SGCD: variants seen among roughly 807,000 people sequenced by gnomAD.
SGCD encodes the protein delta-sarcoglycan.
A neutral mutation model predicts 36.6 loss-of-function variants in SGCD; 18 were observed. That is an observed-to-expected ratio of 0.49 (90% confidence interval 0.34 to 0.73). The LOEUF is 0.73. Ranked by LOEUF, SGCD falls within the 30% of genes least tolerant of loss-of-function variation. The pLI is 0.01. For synonymous variants in SGCD, 133 were observed against 130.6 expected (o/e 1.02, Z -0.12); for missense variants, 387 against 346.7 (o/e 1.12, Z -0.92).
chr5:155,874,209 G>A (rs922597371), intron 1 of SGCD, among the ~76,000 whole-genome samples: 1 of 152,040 alleles, frequency 6.6e-6, no homozygotes, highest in Non-Finnish European at 1.5e-5. Context: ...CTATTACAGA[G>A]AACAAGTTTT....
At chr5:156,214,391 A>C (rs1764523055) in intron 3 of SGCD, among the ~76,000 whole-genome samples, 1 of 151,996 alleles carries the variant, frequency 6.6e-6, no homozygotes, top group African/African-American at 2.4e-5. Flanking sequence ...TTAGGATAAA[A>C]TTTAACCCAG....
At chr5:156,757,211 T>TA (rs1457206084) in intron 7 of SGCD, among the ~76,000 whole-genome samples, 3 of 116,154 alleles carry the variant, frequency 2.6e-5, no homozygotes, top group African/African-American at 1.0e-4. Flanking sequence ...GTAGAAAGGA[T>TA]ACCTACCAAT....
chr5:156,032,420 G>T (rs1759369205), intron 1 of SGCD, among the ~76,000 whole-genome samples: 2 of 151,726 alleles, frequency 1.3e-5, no homozygotes, highest in East Asian at 3.9e-4. Flanking sequence ...CAATTGAAGG[G>T]TAAAAGAGTG....
At chr5:156,418,786 A>G (rs1271092044) in intron 3 of SGCD, among the ~76,000 whole-genome samples, 2 of 152,190 alleles carry the variant, frequency 1.3e-5, no homozygotes, top group Non-Finnish European at 2.9e-5. Flanking sequence ...ATAGTAGAAG[A>G]TGGTTTGTGC....
Position 156,216,093 on chromosome 5 carries a change from T to C in SGCD, c.-44+92074T>C, listed in dbSNP as rs1233755359. On this transcript the variant is annotated intron_variant, in intron 3 of 9. Transcript: ENST00000517913. ...TAAGCCAGGCCCAGAACAAATAACA[T>C]GTGATCTCACACCTAGAATCTAAAA... Among the ~76,000 whole-genome samples, 8 of 152,158 alleles carry C rather than the reference T, an allele frequency of 5.3e-5. 1 individual carries two copies. In the East Asian group the frequency reaches 1.2e-3, roughly 22 times the overall value.
intron 3 of SGCD, among the ~76,000 whole-genome samples, chr5:156,175,387 A>G (rs182608930): frequency 3.3e-5 from 5 of 151,026 alleles, no homozygotes; most frequent in African/African-American, 1.2e-4. Flanking sequence ...CCTGGCTCTT[A>G]TTTTGTGAGC....
chr5:156,108,855 A>G (rs1761713775), intron 1 of SGCD, among the ~76,000 whole-genome samples: 1 of 152,162 alleles, frequency 6.6e-6, no homozygotes, highest in African/African-American at 2.4e-5. Flanking sequence ...ACAGTCTATT[A>G]TTTCAGGTTT....
chr5:156,702,481 G>T (rs1002385986), intron 7 of SGCD, among the ~76,000 whole-genome samples: 21 of 152,020 alleles, frequency 1.4e-4, no homozygotes, highest in African/African-American at 5.1e-4. Flanking sequence ...TCAGGGCGGG[G>T]AAGCGTACTG....
intron 3 of SGCD, among the ~76,000 whole-genome samples, chr5:156,493,177 A>G (rs559429583): frequency 1.2e-4 from 18 of 152,222 alleles, no homozygotes; most frequent in African/African-American, 2.2e-4. Flanking sequence ...TGATGTTTTG[A>G]TATATTTATA....
the SGCD span, among the ~76,000 whole-genome samples, chr5:155,728,352 C>T: frequency 6.6e-6 from 1 of 152,180 alleles, no homozygotes; most frequent in Admixed American, 6.5e-5. Flanking sequence ...GCGAGATCGC[C>T]CTCCATGCTG....
At chr5:155,776,540 A>G in the SGCD span, among the ~76,000 whole-genome samples, 1 of 152,178 alleles carries the variant, frequency 6.6e-6, no homozygotes, top group Non-Finnish European at 1.5e-5. Context: ...AAGAAACCAC[A>G]GAGGTGAAGT....
chr5:156,100,692 C>T (rs1761498245), intron 1 of SGCD, among the ~76,000 whole-genome samples: 2 of 152,054 alleles, frequency 1.3e-5, no homozygotes, highest in African/African-American at 4.8e-5. Context: ...CATTTTTTGA[C>T]AAATACTAAT....
chr5:156,071,005 A>C (rs536578922), intron 1 of SGCD, among the ~76,000 whole-genome samples: 2 of 152,186 alleles, frequency 1.3e-5, no homozygotes, highest in East Asian at 1.9e-4. Flanking sequence ...TATTGCATCT[A>C]TTTGATTCTT....
intron 3 of SGCD, among the ~76,000 whole-genome samples, chr5:156,185,400 G>C (rs1248209239): frequency 6.6e-6 from 1 of 151,816 alleles, no homozygotes; most frequent in Non-Finnish European, 1.5e-5. Context: ...ATTTTTAGCA[G>C]AGACGGGGTT....
chr5:156,111,978 C>A (rs1470784467), intron 1 of SGCD, among the ~76,000 whole-genome samples: 1 of 152,060 alleles, frequency 6.6e-6, no homozygotes. Flanking sequence ...CAGGGTTTCA[C>A]CATGTTAGCC....
At chr5:155,800,209 C>T in the SGCD span, among the ~76,000 whole-genome samples, 1 of 152,174 alleles carries the variant, frequency 6.6e-6, no homozygotes, top group Admixed American at 6.5e-5. Context: ...CCTTTGCACT[C>T]ATATTACCCA....
At chr5:156,599,151 A>G (rs146829005) in intron 6 of SGCD, among the ~76,000 whole-genome samples, 2 of 152,290 alleles carry the variant, frequency 1.3e-5, no homozygotes, top group Non-Finnish European at 2.9e-5. Context: ...ATTCAGCCAT[A>G]TGGTGTGGAA....
chr5:156,012,040 G>A (rs1345584040), intron 1 of SGCD, among the ~76,000 whole-genome samples: 1 of 152,198 alleles, frequency 6.6e-6, no homozygotes, highest in Non-Finnish European at 1.5e-5. Flanking sequence ...GGAATTTAAG[G>A]GAGGAGAGAT....
chr5:156,528,325 A>T (rs570109818), intron 4 of SGCD, among the ~76,000 whole-genome samples: 334 of 152,354 alleles, frequency 2.2e-3, no homozygotes, highest in African/African-American at 7.6e-3. Context: ...CTTATGGAAT[A>T]GTGCATTGGA....
Sources: allele counts gnomAD v4.1 joint callset (sites outside exome capture counted in the v4.1 genomes callset), GRCh38; gene constraint gnomAD v4.1.1; transcripts MANE v1.5; gene names NCBI Gene and HGNC (gene_info 2026-07-23, HGNC 2026-07-21).